Variants in SPATA13 observed in about 807,000 individuals in gnomAD.
SPATA13 encodes spermatogenesis associated 13.
A neutral mutation model predicts 104.0 loss-of-function variants in SPATA13; 50 were observed. The observed-to-expected ratio is 0.48, with a 90% CI of 0.38 to 0.61. The LOEUF (loss-of-function observed/expected upper bound fraction) is 0.61, where lower values mean the gene tolerates loss of function less well. Among genes scored for constraint, SPATA13 ranks in the 20% least tolerant of loss-of-function variants. The pLI is 0.00. For missense variants in SPATA13, 1,524 were observed against 1,690.6 expected, an observed-to-expected ratio of 0.90 and a Z score of 1.73; for synonymous variants, 606 against 667.5, an observed-to-expected ratio of 0.91 and a Z score of 1.42.
intron 2 of SPATA13, among the ~76,000 whole-genome samples, chr13:24,233,035 T>C (rs1160947017): frequency 1.3e-5 from 2 of 152,338 alleles, no homozygotes; most frequent in South Asian, 2.1e-4. Flanking sequence ...TTAGTTGTTT[T>C]TGTGTGTAAT....
chr13:24,204,468 AT>A, intron 1 of SPATA13, among the ~76,000 whole-genome samples: 1 of 152,102 alleles, frequency 6.6e-6, no homozygotes, highest in Non-Finnish European at 1.5e-5. Flanking sequence ...GACTTTAACC[AT>A]TTTTAGGCAT....
chr13:24,011,110 G>T lies in SPATA13; in HGVS notation c.-146-6557G>T, dbSNP rs563191670. ...TGGCTTTGGTTTCTCCCCAGGTCCT[G>T]ACCACCTGGCCGTGGGCCCCTCCCT... On this transcript the variant is annotated intron_variant, in intron 2 of 14. Coordinates refer to the SPATA13 transcript ENST00000424834. This position sits in a 1 kb window ranked among gnomAD's most constrained non-coding sequence, Gnocchi z 4.3. Among the ~76,000 whole-genome samples the T allele has an allele frequency of 6.6e-6, 1 of 152,228 alleles. No individual in the cohort carries two copies. Among genetic ancestry groups the T allele is most frequent in the African/African-American group, 2.4e-5 (1 of 41,550 alleles).
intron 1 of SPATA13, among the ~76,000 whole-genome samples, chr13:24,220,015 T>G (rs529545853): frequency 3.9e-4 from 60 of 152,316 alleles, no homozygotes; most frequent in African/African-American, 1.2e-3. Context: ...CCAGTTGTAC[T>G]GTGTGTCGTT....
At chr13:24,042,295 T>C (rs908323629) in intron 3 of SPATA13, among the ~76,000 whole-genome samples, 4 of 152,192 alleles carry the variant, frequency 2.6e-5, no homozygotes, top group African/African-American at 9.6e-5. Flanking sequence ...AATGGAAATG[T>C]TCAACCCTAG....
At chr13:24,102,719 C>T (rs1207050198) in intron 3 of SPATA13, among the ~76,000 whole-genome samples, 1 of 152,148 alleles carries the variant, frequency 6.6e-6, no homozygotes, top group African/African-American at 2.4e-5. Flanking sequence ...GGTGATCCAC[C>T]CACCTCAGCC....
In SPATA13 at chr13:24,275,441, T is replaced by C. The variant is rs544663049; in HGVS notation, c.2165-8694T>C. On this transcript the variant is annotated intron_variant, in intron 4 of 12. Coordinates refer to ENST00000382108, the MANE Select transcript of SPATA13 (RefSeq NM_001166271.3). ...TGTGTTCTCTTGGAATTGTCCCCAG[T>C]CAGAGAGGCGCTGATGGTCAGCACG... is the stretch of plus-strand genomic sequence containing the variant. 2.6e-5 allele frequency among the ~76,000 whole-genome samples: 4 copies of C among 152,324 alleles called. No homozygotes were observed. In the Middle Eastern group the frequency reaches 0.01, roughly 389 times the overall value.
At chr13:24,138,314 A>ACC (rs1286387954) in intron 3 of SPATA13, among the ~76,000 whole-genome samples, 1 of 74,212 alleles carries the variant, frequency 1.3e-5, no homozygotes, top group African/African-American at 4.7e-5. Context: ...TGAAAAAAAA[A>ACC]AAAAAAACAG....
intron 3 of SPATA13, among the ~76,000 whole-genome samples, chr13:24,142,751 G>A (rs1239174300): frequency 4.7e-5 from 7 of 147,566 alleles, no homozygotes; most frequent in South Asian, 2.2e-4. Flanking sequence ...TTCTCCTGGC[G>A]TTTTATATTC....
intron 3 of SPATA13, among the ~76,000 whole-genome samples, chr13:24,121,889 G>A (rs996201177): frequency 4.6e-5 from 7 of 151,994 alleles, no homozygotes; most frequent in Non-Finnish European, 7.4e-5. Flanking sequence ...AATCCCGCTG[G>A]TTTCTTTTCC....
At chr13:24,255,497 A>T (rs880357) in intron 4 of SPATA13, among the ~76,000 whole-genome samples, 1 of 152,116 alleles carries the variant, frequency 6.6e-6, no homozygotes, top group South Asian at 2.1e-4. Context: ...CACAGGTCAA[A>T]CCATTCAGAT....
At chr13:24,183,543 G>T (rs1253538583) in intron 1 of SPATA13, among the ~76,000 whole-genome samples, 2 of 152,058 alleles carry the variant, frequency 1.3e-5, no homozygotes, top group African/African-American at 4.8e-5. Context: ...GCCCAAGATG[G>T]CTTTGAATGG....
chr13:24,175,565 G>C (rs899879222), intron 1 of SPATA13, among the ~76,000 whole-genome samples: 1 of 152,214 alleles, frequency 6.6e-6, no homozygotes, highest in Non-Finnish European at 1.5e-5. Context: ...ATGTGTTTCA[G>C]AGTTGTCTAT....
At chr13:24,055,563 T>A (rs1379679212) in intron 3 of SPATA13, among the ~76,000 whole-genome samples, 4 of 152,184 alleles carry the variant, frequency 2.6e-5, no homozygotes, top group Non-Finnish European at 5.9e-5. Flanking sequence ...TTTTGTGTGT[T>A]GCTCTACCAG....
At chr13:24,228,476 A>G (rs1872079839) in intron 2 of SPATA13, among the ~76,000 whole-genome samples, 1 of 152,224 alleles carries the variant, frequency 6.6e-6, no homozygotes, top group South Asian at 2.1e-4. Context: ...CATAACTTAT[A>G]CATTGCATCT....
chr13:24,089,042 A>G (rs1252595313), intron 3 of SPATA13, among the ~76,000 whole-genome samples: 1 of 152,220 alleles, frequency 6.6e-6, no homozygotes, highest in African/African-American at 2.4e-5. Context: ...GGTGGCTTTG[A>G]AAAGTATCTC....
chr13:24,113,290 T>C (rs1172486382), intron 3 of SPATA13, among the ~76,000 whole-genome samples: 1 of 152,212 alleles, frequency 6.6e-6, no homozygotes, highest in Non-Finnish European at 1.5e-5. Context: ...CCAATTCTCT[T>C]GAATTGGATG....
At chr13:24,116,002 A>G (rs1244363299) in intron 3 of SPATA13, among the ~76,000 whole-genome samples, 1 of 152,206 alleles carries the variant, frequency 6.6e-6, no homozygotes, top group Non-Finnish European at 1.5e-5. Context: ...CTAGTCTCAG[A>G]AGTCACACGC....
rs1261283399 is a variant in SPATA13 at position 24,224,403 on chromosome 13, A to T, written c.1474A>T (p.Ser492Cys). 55 of 1,551,706 alleles carry T rather than the reference A, an allele frequency of 3.5e-5. No homozygotes were observed. In the East Asian group the frequency reaches 5.6e-4, roughly 16 times the overall value. Residue 492 changes from serine to cysteine, a missense_variant, in exon 2 of 13, where the codon AGT becomes TGT. Physicochemically the swap from Ser to Cys is moderately radical, Grantham distance 112 (BLOSUM62 -1). Around this residue, in one of 2 missense-constraint regions of SPATA13, gnomAD observed 1,089 missense variants for 1,135.9 expected, o/e 0.96. Coordinates refer to ENST00000382108, the MANE Select transcript of SPATA13 (RefSeq NM_001166271.3). ...AAGTGCCAGCTGTCACAGCAATCAC[A>T]GTGCCCTGTCCGCGAATTCAGAGGA... The part of the protein sequence containing the change: ...AGSASCHSNH[S>C]ALSANSEESE...
At chr13:24,206,846 T>C (rs1870725812) in intron 1 of SPATA13, among the ~76,000 whole-genome samples, 1 of 149,930 alleles carries the variant, frequency 6.7e-6, no homozygotes, top group South Asian at 2.1e-4. Flanking sequence ...AAGCTGAGAT[T>C]GTGCTATTGC....
Sources: allele counts gnomAD v4.1 joint callset (sites outside exome capture counted in the v4.1 genomes callset), GRCh38; gene constraint gnomAD v4.1.1; regional missense constraint gnomAD v4.1.1; non-coding constraint Gnocchi (gnomAD v3.1); transcripts MANE v1.5; gene names NCBI Gene and HGNC (gene_info 2026-07-23, HGNC 2026-07-21).